Variants in MAP4K4 observed in about 807,000 individuals in gnomAD.
MAP4K4 encodes mitogen-activated protein kinase kinase kinase kinase 4, also known as HPK/GCK-like kinase HGK.
A neutral mutation model predicts 189.6 loss-of-function variants in MAP4K4; 38 were observed. The ratio of observed to expected loss-of-function variants is 0.20; its 90% CI spans 0.15 to 0.26. MAP4K4 has a LOEUF of 0.26. Ranked by LOEUF, MAP4K4 falls within the 10% of genes least tolerant of loss-of-function variation. The pLI is 1.00. For synonymous variants in MAP4K4, 610 were observed against 624.3 expected, an observed-to-expected ratio of 0.98 and a Z score of 0.34; for missense variants, 1,054 against 1,726.9, an observed-to-expected ratio of 0.61 and a Z score of 6.91.
At chr2:101,804,748 G>T (rs771813443) in intron 3 of MAP4K4, among the ~76,000 whole-genome samples, 8 of 152,136 alleles carry the variant, frequency 5.3e-5, no homozygotes, top group Non-Finnish European at 1.2e-4. Context: ...GAATTCAGGA[G>T]AAGTGTCTTC....
chr2:101,758,447 G>T (rs547538201), intron 2 of MAP4K4, among the ~76,000 whole-genome samples: 3 of 152,264 alleles, frequency 2.0e-5, no homozygotes, highest in African/African-American at 7.2e-5. Flanking sequence ...TCAGCCAAAT[G>T]CATATTGAAA....
At chr2:101,861,914 G>A (rs1309975275) in intron 16 of MAP4K4, 1 of 150,450 alleles carries the variant, frequency 6.6e-6, no homozygotes, top group East Asian at 2.0e-4. Context: ...GAAACTGTGG[G>A]ATCTGCAGCA....
At position 101,794,330 on chromosome 2, in the gene MAP4K4, G is replaced by A. The variant is rs557781478; in HGVS notation, c.180+3554G>A. On this transcript the variant is annotated intron_variant, in intron 3 of 32. Transcript: ENST00000324219. The stretch of plus-strand genomic sequence containing the variant: ...AACTTAAGTACATGCACAAAACAAA[G>A]CAAGGCAAATGATTGCTTTTACCAG... 1.3e-3 allele frequency among the ~76,000 whole-genome samples: 192 copies of A among 152,286 alleles called. 1 individual carries two copies. The highest frequency in any genetic ancestry group is 4.5e-3 in the African/African-American group (188 of 41,568).
At chr2:101,744,215 A>C (rs569896890) in intron 2 of MAP4K4, among the ~76,000 whole-genome samples, 1 of 152,328 alleles carries the variant, frequency 6.6e-6, no homozygotes, top group East Asian at 1.9e-4. Context: ...TAAAAACCTA[A>C]AAAGAGAGGC....
intron 2 of MAP4K4, among the ~76,000 whole-genome samples, chr2:101,786,356 A>G (rs1045314094): frequency 6.6e-6 from 1 of 151,854 alleles, no homozygotes; most frequent in African/African-American, 2.4e-5. Flanking sequence ...AAATCAGGCC[A>G]TTTTCTTCAG....
intron 3 of MAP4K4, among the ~76,000 whole-genome samples, chr2:101,797,889 G>GTGTTTTTTTTT (rs1553478618): frequency 0.055 from 2,881 of 52,230 alleles, 701 homozygotes; most frequent in South Asian, 0.089. Context: ...CATTCTTTTA[G>GTGTTTTTTTTT]TTTTTTTTTT....
At chr2:101,775,731 G>C (rs1236503039) in intron 2 of MAP4K4, among the ~76,000 whole-genome samples, 3 of 152,152 alleles carry the variant, frequency 2.0e-5, no homozygotes, top group Admixed American at 6.5e-5. Flanking sequence ...TGTGCCCCGA[G>C]GCAGCCCTGG....
chr2:101,790,855 T>A, intron 3 of MAP4K4, 79 bp downstream of exon 3: 1 of 1,224,448 alleles, frequency 8.2e-7, no homozygotes, highest in South Asian at 1.3e-5. Flanking sequence ...AGTATTACTC[T>A]GTTTGGAAAA....
intron 25 of MAP4K4, among the ~76,000 whole-genome samples, 153 bp downstream of exon 25, chr2:101,873,917 A>G (rs1199300192): frequency 6.6e-6 from 1 of 152,232 alleles, no homozygotes; most frequent in Non-Finnish European, 1.5e-5. Context: ...TTGCAATGAG[A>G]TGCAGAGTCC....
intron 15 of MAP4K4, 153 bp downstream of exon 15, chr2:101,860,017 G>C: frequency 1.2e-6 from 1 of 808,010 alleles, no homozygotes; most frequent in Non-Finnish European, 2.0e-6. Context: ...TTTCAGAGGA[G>C]TGGAGGGCCT....
Position 101,787,589 on chromosome 2 carries a change from AT to A in MAP4K4, c.124-3130del, listed in dbSNP as rs1391034128. 2.0e-5 allele frequency among the ~76,000 whole-genome samples: 3 copies of A among 152,088 alleles called. No homozygotes were observed. The East Asian group carries it at 5.8e-4, about 29-fold the overall frequency. Reference sequence around the variant, plus strand: ...TATATTCCCTCTTGGGTGGTATTGAATAAATCACAGGCAAACTTTTGTCCTT... The same window carrying A: ...TATATTCCCTCTTGGGTGGTATTGAAAAATCACAGGCAAACTTTTGTCCTT... On this transcript the variant is annotated intron_variant, in intron 2 of 32. Transcript: ENST00000324219.
At chr2:101,729,095 A>T (rs376146572) in intron 2 of MAP4K4, among the ~76,000 whole-genome samples, 4 of 102,472 alleles carry the variant, frequency 3.9e-5, no homozygotes, top group African/African-American at 1.2e-4. Context: ...AGAGAGAGAG[A>T]GAGAGAGTGT....
At chr2:101,833,360 C>T (rs2096644384) in intron 7 of MAP4K4, among the ~76,000 whole-genome samples, 1 of 152,124 alleles carries the variant, frequency 6.6e-6, no homozygotes, top group East Asian at 1.9e-4. Context: ...GTGGCTCACG[C>T]CTGTAATCCC....
At chr2:101,813,350 C>T (rs910067031) in intron 3 of MAP4K4, among the ~76,000 whole-genome samples, 2 of 152,180 alleles carry the variant, frequency 1.3e-5, no homozygotes, top group Middle Eastern at 3.4e-3. Flanking sequence ...TGTCTCAGAG[C>T]GAAAACACTA....
intron 2 of MAP4K4, among the ~76,000 whole-genome samples, chr2:101,749,369 A>G (rs1007085194): frequency 2.6e-5 from 4 of 151,678 alleles, no homozygotes; most frequent in African/African-American, 7.2e-5. Flanking sequence ...ATCTACAACC[A>G]TCTGATCTTT....
chr2:101,869,649 C>T lies in MAP4K4; in HGVS notation c.2491C>T (p.Arg831Ter). 2 of 1,610,336 alleles carry T rather than the reference C, an allele frequency of 1.2e-6. No homozygotes were observed. Among genetic ancestry groups the T allele is most frequent in the Non-Finnish European group, 1.7e-6 (2 of 1,178,162 alleles). The change falls in exon 22 of 33, where the codon CGA becomes TGA. Residue 831 changes from arginine (R) to a stop codon, truncating the protein, a stop_gained. Transcript: ENST00000324219. LOFTEE classifies it high-confidence loss of function. The stretch of plus-strand genomic sequence containing the variant: ...TCTGACCGCACTGGCCAAAGAGCTT[C>T]GAGCAGTGGAAGATGTACGGCCACC...
intron 16 of MAP4K4, chr2:101,861,760 T>A (rs1442176867): frequency 1.3e-5 from 2 of 152,180 alleles, no homozygotes; most frequent in African/African-American, 4.8e-5. Context: ...ATTCCTAATC[T>A]CTTGCTGAAA....
At chr2:101,882,103 A>T (rs1322839249) in intron 27 of MAP4K4, among the ~76,000 whole-genome samples, 1 of 152,224 alleles carries the variant, frequency 6.6e-6, no homozygotes, top group African/African-American at 2.4e-5. Flanking sequence ...AAACAGTTCT[A>T]ACAGTTTACA....
intron 26 of MAP4K4, among the ~76,000 whole-genome samples, chr2:101,874,496 T>A (rs1337520741): frequency 6.6e-6 from 1 of 152,184 alleles, no homozygotes; most frequent in Non-Finnish European, 1.5e-5. Flanking sequence ...TTAAACAAAT[T>A]TTTGTAGTAG....
Sources: allele counts gnomAD v4.1 joint callset (sites outside exome capture counted in the v4.1 genomes callset), GRCh38; gene constraint gnomAD v4.1.1; transcripts MANE v1.5; gene names NCBI Gene and HGNC (gene_info 2026-07-23, HGNC 2026-07-21).